RNF152: variants seen among roughly 807,000 people sequenced by gnomAD.
The protein encoded by RNF152 is ring finger protein 152, also known as E3 ubiquitin-protein ligase RNF152.
Under a neutral mutation model 12.7 loss-of-function variants are expected in RNF152, and 11 were observed. That is an observed-to-expected ratio of 0.86 (90% CI 0.54 to 1.43). The LOEUF (loss-of-function observed/expected upper bound fraction) is 1.43. Ranked by LOEUF, RNF152 falls within the 40% of genes most tolerant of loss-of-function variation. The pLI is 0.00. For missense variants in RNF152, 255 were observed against 274.8 expected (o/e 0.93, Z 0.51); for synonymous variants, 113 against 120.3 (o/e 0.94, Z 0.40).
rs1056451227 is a variant in RNF152, at chr18:61,808,320, G to C, written c.*7532C>G. ...TATCCCCTTTACGAAGTCAATATTT[G>C]GCAACATTTGGACAATATTTTCTAC... On this transcript the variant is annotated 3_prime_UTR_variant, in exon 2 of 2. Coordinates refer to ENST00000312828, the MANE Select transcript of RNF152 (RefSeq NM_173557.3). 1.4e-5 allele frequency: 2 copies of C among 142,494 alleles called. No homozygotes were observed. Among genetic ancestry groups the C allele is most frequent in the Admixed American group, 1.5e-4 (2 of 13,632 alleles). The allele number at this position is 142,494 out of a possible 1,614,324, so 8.8% of individuals were successfully genotyped here. A position where few individuals can be genotyped will look rare whatever the true frequency, so the allele number is the denominator to read the frequency against.
chr18:61,833,053 C>T (rs1207978773), intron 1 of RNF152, among the ~76,000 whole-genome samples: 4 of 152,200 alleles, frequency 2.6e-5, no homozygotes, highest in East Asian at 1.9e-4. Flanking sequence ...GGGATGGCAG[C>T]GTGCTTTCTT....
At position 61,842,475 on chromosome 18, in the gene RNF152, C is replaced by T. The variant is rs562205810; in HGVS notation, c.-135-25877G>A. ...ACACCCAAGCGAGTTGTCACAGGGG[C>T]TTTGTTTCCCTGGAGACTTGTTTTC... On this transcript the variant is annotated intron_variant, in intron 1 of 1. Coordinates refer to ENST00000312828, the MANE Select transcript of RNF152 (RefSeq NM_173557.3). Among the ~76,000 whole-genome samples, 149 of 152,306 alleles carry T rather than the reference C, an allele frequency of 9.8e-4. 2 individuals carry two copies. The highest frequency in any genetic ancestry group is 3.4e-3 in the Middle Eastern group (1 of 294).
intron 1 of RNF152, among the ~76,000 whole-genome samples, chr18:61,863,026 C>G (rs1911559667): frequency 6.6e-6 from 1 of 152,176 alleles, no homozygotes; most frequent in Non-Finnish European, 1.5e-5. Flanking sequence ...TTTCCCTACA[C>G]ACAGCCCAAA....
At position 61,819,066 on chromosome 18, in the gene RNF152, C is replaced by T. The variant is rs111761614; in HGVS notation, c.-135-2468G>A. Among the ~76,000 whole-genome samples the T allele has an allele frequency of 4.7e-4, 71 of 152,290 alleles. 1 individual carries two copies. The highest frequency in any genetic ancestry group is 1.7e-3 in the East Asian group (9 of 5,188). ...GCATGAGCAAAGGAAAGAAGGTAAGCGATTACAGAATTATTTTCTATTCTA... is the reference window on the plus strand; with the variant it reads ...GCATGAGCAAAGGAAAGAAGGTAAGTGATTACAGAATTATTTTCTATTCTA... On this transcript the variant is annotated intron_variant, in intron 1 of 1. Coordinates refer to ENST00000312828, the MANE Select transcript of RNF152 (RefSeq NM_173557.3).
chr18:61,879,563 G>A (rs531715295), intron 1 of RNF152, among the ~76,000 whole-genome samples: 1 of 152,214 alleles, frequency 6.6e-6, no homozygotes, highest in Admixed American at 6.5e-5. Context: ...CGTGTTCCGG[G>A]GAAAGGGAAC....
rs1449426822 is a variant in RNF152, at chr18:61,813,274, TCTCTCACACACACACACACA to T, written c.*2558_*2577del. On this transcript the variant is annotated 3_prime_UTR_variant, in exon 2 of 2. Transcript: ENST00000312828. ...GACTGAGATTCTCTCTCTCTCTCTC[TCTCTCACACACACACACACA>T]CACACACACACACACACACACATAC... The T allele has an allele frequency of 4.6e-4, 50 of 108,158 alleles. No homozygotes were observed. Among genetic ancestry groups the T allele is most frequent in the African/African-American group, 1.6e-3 (48 of 29,136 alleles). The allele number at this position is 108,158 out of a possible 1,614,324, so 6.7% of individuals were successfully genotyped here.
intron 1 of RNF152, among the ~76,000 whole-genome samples, chr18:61,863,789 T>C (rs1911603573): frequency 6.6e-6 from 1 of 151,986 alleles, no homozygotes; most frequent in Admixed American, 6.6e-5. Context: ...ACAAATCTCT[T>C]CCCCAAAGCA....
chr18:61,825,424 C>T (rs1255785346), intron 1 of RNF152, among the ~76,000 whole-genome samples: 1 of 152,226 alleles, frequency 6.6e-6, no homozygotes, highest in East Asian at 1.9e-4. Context: ...AGCCTACAAG[C>T]TGGCCCACTG....
At chr18:61,869,502 C>T (rs1038844228) in intron 1 of RNF152, among the ~76,000 whole-genome samples, 3 of 152,162 alleles carry the variant, frequency 2.0e-5, no homozygotes, top group African/African-American at 7.2e-5. Context: ...GGTGAACACC[C>T]AGAGACCCAC....
At chr18:61,828,647 T>C (rs1400478275) in intron 1 of RNF152, among the ~76,000 whole-genome samples, 1 of 152,214 alleles carries the variant, frequency 6.6e-6, no homozygotes, top group Non-Finnish European at 1.5e-5. Flanking sequence ...TGTGATAATA[T>C]TCTCAGTGTA....
chr18:61,869,428 A>T (rs1911885718), intron 1 of RNF152, among the ~76,000 whole-genome samples: 1 of 152,176 alleles, frequency 6.6e-6, no homozygotes, highest in South Asian at 2.1e-4. Context: ...CTGACAAGAG[A>T]TTCTGTTACT....
At chr18:61,880,323 AATTACGTT>A (rs1166346706) in intron 1 of RNF152, among the ~76,000 whole-genome samples, 1 of 152,120 alleles carries the variant, frequency 6.6e-6, no homozygotes, top group Non-Finnish European at 1.5e-5. Flanking sequence ...TCTCTTCCTA[AATTACGTT>A]ACACTGAACC....
chr18:61,858,644 C>T (rs1911331136), intron 1 of RNF152, among the ~76,000 whole-genome samples: 1 of 152,172 alleles, frequency 6.6e-6, no homozygotes, highest in South Asian at 2.1e-4. Context: ...AGTACTCATT[C>T]CTAGGTCTGG....
intron 1 of RNF152, among the ~76,000 whole-genome samples, chr18:61,843,118 C>G (rs1910525434): frequency 6.6e-6 from 1 of 152,190 alleles, no homozygotes; most frequent in Non-Finnish European, 1.5e-5. Context: ...TGACAACCTG[C>G]TCTGTGGGAA....
chr18:61,885,410 C>T (rs1247653955), intron 1 of RNF152, among the ~76,000 whole-genome samples: 4 of 152,084 alleles, frequency 2.6e-5, no homozygotes, highest in Admixed American at 1.3e-4. Flanking sequence ...CAGGTTCAGG[C>T]AATTCTCCTG....
chr18:61,877,105 G>T (rs187453967), intron 1 of RNF152, among the ~76,000 whole-genome samples: 28 of 152,324 alleles, frequency 1.8e-4, no homozygotes, highest in African/African-American at 6.7e-4. Context: ...AAAGCTTCCA[G>T]CCATCGAAAG....
At chr18:61,890,795 T>G (rs966291224) in intron 1 of RNF152, among the ~76,000 whole-genome samples, 2 of 152,110 alleles carry the variant, frequency 1.3e-5, no homozygotes, top group Non-Finnish European at 2.9e-5. Flanking sequence ...GAATTAGAAA[T>G]GAAAACAGAA....
Position 61,809,805 on chromosome 18 carries a change from C to A in RNF152, c.*6047G>T, listed in dbSNP as rs1172077178. ...AATGAGATGAGTATTTCAAGCACCACTACATCATAGGTGAGATATATATAG... is the reference window on the plus strand; with the variant it reads ...AATGAGATGAGTATTTCAAGCACCAATACATCATAGGTGAGATATATATAG... On this transcript the variant is annotated 3_prime_UTR_variant, in exon 2 of 2. Coordinates refer to ENST00000312828, the MANE Select transcript of RNF152 (RefSeq NM_173557.3). The A allele has an allele frequency of 6.8e-6, 1 of 146,010 alleles. No homozygotes were observed. The allele number at this position is 146,010 out of a possible 1,614,324, so 9.0% of individuals were successfully genotyped here. A position where few individuals can be genotyped will look rare whatever the true frequency, so the allele number is the denominator to read the frequency against.
chr18:61,870,870 C>T (rs1342100723), intron 1 of RNF152, among the ~76,000 whole-genome samples: 1 of 152,214 alleles, frequency 6.6e-6, no homozygotes, highest in Non-Finnish European at 1.5e-5. Context: ...ACCCATCACA[C>T]ACATTGCACC....
Sources: gnomAD v4.1 joint callset for allele counts (sites outside exome capture counted in the v4.1 genomes callset) on GRCh38, gnomAD v4.1.1 for gene constraint, MANE v1.5 for transcripts, NCBI Gene and HGNC (gene_info 2026-07-23, HGNC 2026-07-21) for gene names.